ARHGEF10L: variants seen among roughly 807,000 people sequenced by gnomAD.
ARHGEF10L encodes Rho guanine nucleotide exchange factor 10 like.
A neutral mutation model predicts 141.2 loss-of-function variants in ARHGEF10L; 69 were observed. The observed-to-expected ratio is 0.49, with a 90% CI of 0.40 to 0.60. The LOEUF is 0.60. ARHGEF10L is among the 20% of genes least tolerant of loss of function. The probability of loss-of-function intolerance (pLI) is 0.00; values close to 1 mark genes in which losing one functional copy is unlikely to be tolerated. For synonymous variants in ARHGEF10L, 711 were observed against 718.5 expected, an observed-to-expected ratio of 0.99 and a Z score of 0.17; for missense variants, 1,482 against 1,734.3, an observed-to-expected ratio of 0.85 and a Z score of 2.58.
Position 17,697,730 on chromosome 1 carries a change from G to A in ARHGEF10L, c.*350G>A, listed in dbSNP as rs964064733. 2.0e-6 allele frequency: 1 copy of A among 495,988 alleles called. No homozygotes were observed. Among genetic ancestry groups the A allele is most frequent in the Non-Finnish European group, 3.9e-6 (1 of 254,738 alleles). 30.7% of individuals were successfully genotyped at this position (495,988 alleles called of 1,614,324 possible). A position where few individuals can be genotyped will look rare whatever the true frequency, so the allele number is the denominator to read the frequency against. Reference sequence around the variant, plus strand: ...CCCTCCTGGAAGGGTGTGTGCGTGTGAGTGTGTGCGAGTGTGTGGGCTGGT... The same window carrying A: ...CCCTCCTGGAAGGGTGTGTGCGTGTAAGTGTGTGCGAGTGTGTGGGCTGGT... On this transcript the variant is annotated 3_prime_UTR_variant, in exon 29 of 29. Coordinates refer to ENST00000361221, the MANE Select transcript of ARHGEF10L (RefSeq NM_018125.4). The surrounding 1 kb of genome is among the most constrained non-coding windows in gnomAD (Gnocchi z 4.8).
At chr1:17,556,203 A>G (rs2077309477) in intron 1 of ARHGEF10L, among the ~76,000 whole-genome samples, 1 of 98,378 alleles carries the variant, frequency 1.0e-5, no homozygotes, top group Admixed American at 1.3e-4. Context: ...GGGGCCTGGG[A>G]GCACAGGGGG....
chr1:17,544,899 G>GTGTA (rs1451783036), intron 1 of ARHGEF10L, among the ~76,000 whole-genome samples: 1 of 152,164 alleles, frequency 6.6e-6, no homozygotes, highest in Non-Finnish European at 1.5e-5. Flanking sequence ...GAGAGAGCCT[G>GTGTA]TGTAAGGGAA....
At position 17,616,974 on chromosome 1, in the gene ARHGEF10L, A is replaced by C. The variant is rs531178209; in HGVS notation, c.835+772A>C. On this transcript the variant is annotated intron_variant, in intron 9 of 28. Transcript: ENST00000361221. ...GCCTACAGTTCCTCACTTCATCCTT[A>C]TCCTCACCACACAAGGCGCACAGAA... Among the ~76,000 whole-genome samples the C allele has an allele frequency of 5.3e-5, 8 of 152,290 alleles. No homozygotes were observed. In the East Asian group the frequency reaches 1.5e-3, roughly 29 times the overall value.
chr1:17,593,779 G>A (rs572864841), intron 4 of ARHGEF10L, among the ~76,000 whole-genome samples: 3 of 151,976 alleles, frequency 2.0e-5, no homozygotes, highest in Non-Finnish European at 4.4e-5. Context: ...GTGGTCATCT[G>A]TTACAGCAGC....
At chr1:17,567,725 T>C (rs2077821034) in intron 1 of ARHGEF10L, among the ~76,000 whole-genome samples, 1 of 152,168 alleles carries the variant, frequency 6.6e-6, no homozygotes, top group Non-Finnish European at 1.5e-5. Flanking sequence ...CCGGGGCTGA[T>C]TCTCCAGCCG....
intron 1 of ARHGEF10L, among the ~76,000 whole-genome samples, chr1:17,543,642 A>AGTTT (rs1230764506): frequency 3.3e-5 from 5 of 151,678 alleles, no homozygotes; most frequent in East Asian, 1.9e-4. Context: ...ATATATATAT[A>AGTTT]GTTTGTTTGT....
At chr1:17,577,647 C>G (rs909284626) in intron 1 of ARHGEF10L, among the ~76,000 whole-genome samples, 1 of 152,174 alleles carries the variant, frequency 6.6e-6, no homozygotes, top group South Asian at 2.1e-4. Flanking sequence ...TTCAGAGCCC[C>G]GCATTAGCCT....
intron 26 of ARHGEF10L, among the ~76,000 whole-genome samples, chr1:17,682,068 G>T (rs1485966219): frequency 1.3e-5 from 2 of 152,006 alleles, no homozygotes; most frequent in Non-Finnish European, 2.9e-5. Flanking sequence ...AATTTGGCCA[G>T]CGGGGACCCC....
intron 2 of ARHGEF10L, 76 bp downstream of exon 2, chr1:17,580,708 C>A: frequency 1.3e-6 from 2 of 1,580,382 alleles, no homozygotes; most frequent in Non-Finnish European, 1.7e-6. Context: ...GAGGGCCTTG[C>A]TCTGGAGCAG....
chr1:17,538,282 CCTGTCTG>C (rs140196648), upstream of ARHGEF10L, among the ~76,000 whole-genome samples: 2,515 of 152,272 alleles, frequency 0.017, 74 homozygotes, highest in African/African-American at 0.057. Flanking sequence ...CCAAACCTCT[CCTGTCTG>C]CTGTCCTGCC....
chr1:17,685,291 T>A (rs371456492), intron 26 of ARHGEF10L, among the ~76,000 whole-genome samples: 1 of 152,282 alleles, frequency 6.6e-6, no homozygotes, highest in East Asian at 1.9e-4. Context: ...TCTAAACTGT[T>A]CCCCATGGAT....
At chr1:17,687,440 TG>T in intron 26 of ARHGEF10L, 132 bp from the exon 27 acceptor site, 1 of 994,078 alleles carries the variant, frequency 1.0e-6, no homozygotes, top group Non-Finnish European at 1.5e-6. Context: ...ACCTCATAGC[TG>T]GGCTTCTAAT....
rs144917567 is a variant in ARHGEF10L at position 17,549,672 on chromosome 1, TGTTA to T, written c.-44+9728_-44+9731del. Among the ~76,000 whole-genome samples, 225 of 152,264 alleles carry T rather than the reference TGTTA, an allele frequency of 1.5e-3. 3 individuals are homozygous for T. The highest frequency in any genetic ancestry group is 5.3e-3 in the African/African-American group (219 of 41,530). On this transcript the variant is annotated intron_variant, in intron 1 of 28. Transcript: ENST00000361221. The stretch of plus-strand genomic sequence containing the variant: ...GTTTAGGAGGGTGTGGAAGAGGCCA[TGTTA>T]GTTAGGACTGTTACTCTAGGTGCAA...
chr1:17,576,481 C>T (rs189064568), intron 1 of ARHGEF10L, among the ~76,000 whole-genome samples: 3 of 152,292 alleles, frequency 2.0e-5, no homozygotes, highest in Non-Finnish European at 4.4e-5. Context: ...AGCACTGCCT[C>T]CTCCTCAGCC....
In ARHGEF10L at chr1:17,656,783, G is replaced by A. The variant is rs1033443089; in HGVS notation, c.2860+75G>A. On this transcript the variant is annotated intron_variant, in intron 25 of 28. Transcript: ENST00000361221. This position sits in a 1 kb window ranked among gnomAD's most constrained non-coding sequence, Gnocchi z 4.9. ...GGGTGCCAGATTCTCTACCAAGAGA[G>A]GATACAGGAGGCTGGGCAGGAATGA... is the stretch of plus-strand genomic sequence containing the variant. 9.3e-6 allele frequency: 14 copies of A among 1,505,418 alleles called. No homozygotes were observed. The highest frequency in any genetic ancestry group is 5.2e-5 in the South Asian group (4 of 77,200). 93.3% of individuals were successfully genotyped at this position (1,505,418 alleles called of 1,614,324 possible).
At chr1:17,660,666 G>T (rs1414264793) in intron 25 of ARHGEF10L, among the ~76,000 whole-genome samples, 2 of 152,234 alleles carry the variant, frequency 1.3e-5, no homozygotes, top group African/African-American at 4.8e-5. Context: ...ACTGCTGGCT[G>T]GGGGAGGAGG....
At chr1:17,544,146 T>C (rs1460308714) in intron 1 of ARHGEF10L, among the ~76,000 whole-genome samples, 1 of 151,154 alleles carries the variant, frequency 6.6e-6, no homozygotes, top group South Asian at 2.1e-4. Flanking sequence ...AGAGATGGGG[T>C]TTCACTATGT....
chr1:17,642,747 C>A (rs1309554013), intron 21 of ARHGEF10L, among the ~76,000 whole-genome samples: 1 of 152,230 alleles, frequency 6.6e-6, no homozygotes, highest in Non-Finnish European at 1.5e-5. Context: ...CTGTCCCTGG[C>A]AGAAGACTTT....
intron 7 of ARHGEF10L, among the ~76,000 whole-genome samples, chr1:17,609,430 T>C (rs2059427431): frequency 6.6e-6 from 1 of 152,226 alleles, no homozygotes; most frequent in Non-Finnish European, 1.5e-5. Flanking sequence ...ACACCTACTG[T>C]GTGCCTAGTC....
Sources: allele counts gnomAD v4.1 joint callset (sites outside exome capture counted in the v4.1 genomes callset), GRCh38; gene constraint gnomAD v4.1.1; non-coding constraint Gnocchi (gnomAD v3.1); transcripts MANE v1.5; gene names NCBI Gene and HGNC (gene_info 2026-07-23, HGNC 2026-07-21).